The following PTPRT variants were observed in gnomAD, a reference collection of about 807,000 sequenced individuals.
PTPRT encodes the protein receptor-type tyrosine-protein phosphatase T.
PTPRT carries 56 observed loss-of-function variants against 176.8 expected under a neutral mutation model. The observed-to-expected ratio is 0.32, with a 90% CI of 0.26 to 0.40. PTPRT has a LOEUF of 0.40. PTPRT is among the 10% of genes least tolerant of loss of function. The pLI is 1.00. For missense variants in PTPRT, 1,540 were observed against 1,908.2 expected (o/e 0.81, Z 3.60); for synonymous variants, 783 against 739.0 (o/e 1.06, Z -0.96).
At chr20:42,673,370 T>G (rs1462250037) in intron 7 of PTPRT, among the ~76,000 whole-genome samples, 1 of 152,160 alleles carries the variant, frequency 6.6e-6, no homozygotes, top group Non-Finnish European at 1.5e-5. Flanking sequence ...TTACAGCAAA[T>G]TTCTAGGCTC....
chr20:42,511,002 G>A (rs1406750035), intron 7 of PTPRT, among the ~76,000 whole-genome samples: 6 of 152,046 alleles, frequency 3.9e-5, no homozygotes, highest in African/African-American at 1.4e-4. Flanking sequence ...TCCATTCATG[G>A]ATTGATGGAT....
intron 9 of PTPRT, among the ~76,000 whole-genome samples, chr20:42,412,717 G>A (rs2059029838): frequency 6.6e-6 from 1 of 152,118 alleles, no homozygotes; most frequent in Admixed American, 6.5e-5. Context: ...CAGCAAATAA[G>A]AAGTAAAGTA....
chr20:42,736,590 C>A (rs545274583), intron 6 of PTPRT, among the ~76,000 whole-genome samples: 1 of 152,324 alleles, frequency 6.6e-6, no homozygotes, highest in East Asian at 1.9e-4. Flanking sequence ...TTCAAGAAGT[C>A]ACCTTGGATA....
chr20:42,338,910 A>G (rs1403959950), intron 11 of PTPRT, among the ~76,000 whole-genome samples: 1 of 152,138 alleles, frequency 6.6e-6, no homozygotes, highest in African/African-American at 2.4e-5. Context: ...TGCTCTCCCC[A>G]CAATAGCAAA....
intron 2 of PTPRT, among the ~76,000 whole-genome samples, chr20:42,823,720 T>C (rs963468821): frequency 3.3e-5 from 5 of 152,050 alleles, no homozygotes; most frequent in Non-Finnish European, 7.4e-5. Context: ...ATACTTACAT[T>C]ATTCAATATT....
rs138608925 is a variant in PTPRT, at chr20:42,447,890, G to A, written c.1560+330C>T. On this transcript the variant is annotated intron_variant, in intron 9 of 30. Transcript: ENST00000373187. ...ATGTGGGTATTGCAGTTTCCCAGAC[G>A]AACTTTCAGTACTGTTTGCCAGGCC... 2.4e-3 allele frequency among the ~76,000 whole-genome samples: 366 copies of A among 152,270 alleles called. 2 individuals are homozygous for A. Among genetic ancestry groups the A allele is most frequent in the African/African-American group, 7.9e-3 (330 of 41,550 alleles).
chr20:42,801,998 C>A (rs926935974), intron 2 of PTPRT, among the ~76,000 whole-genome samples: 1 of 152,184 alleles, frequency 6.6e-6, no homozygotes, highest in Non-Finnish European at 1.5e-5. Flanking sequence ...GGTGATAGAG[C>A]CAGCATTCAA....
intron 6 of PTPRT, among the ~76,000 whole-genome samples, chr20:42,725,254 T>C (rs1355895472): frequency 6.6e-6 from 1 of 151,642 alleles, no homozygotes; most frequent in Non-Finnish European, 1.5e-5. Flanking sequence ...CTTGAACTCC[T>C]AGGTGACAGA....
At chr20:42,033,433 G>A in the PTPRT span, among the ~76,000 whole-genome samples, 5 of 152,110 alleles carry the variant, frequency 3.3e-5, no homozygotes, top group African/African-American at 9.7e-5. Context: ...TGGACACTGT[G>A]CTCCACCCAC....
Position 42,227,509 on chromosome 20 carries a change from A to T in PTPRT, c.2342+8720T>A, listed in dbSNP as rs200924055. Among the ~76,000 whole-genome samples the T allele has an allele frequency of 4.6e-5, 7 of 152,112 alleles. No individual in the cohort carries two copies. In the East Asian group the frequency reaches 1.4e-3, roughly 29 times the overall value. ...CATTAGTTTGTTGCTCACTGATAAT[A>T]CAAAAACTCTAAAAAGCTTTTCCTT... On this transcript the variant is annotated intron_variant, in intron 15 of 30. Transcript: ENST00000373187.
At chr20:42,355,644 T>C (rs1182206866) in intron 9 of PTPRT, among the ~76,000 whole-genome samples, 1 of 152,202 alleles carries the variant, frequency 6.6e-6, no homozygotes, top group African/African-American at 2.4e-5. Flanking sequence ...AGGTGGATTC[T>C]GGTTTCCACT....
At chr20:43,108,016 T>C (rs1226673457) in intron 1 of PTPRT, among the ~76,000 whole-genome samples, 1 of 152,162 alleles carries the variant, frequency 6.6e-6, no homozygotes, top group South Asian at 2.1e-4. Context: ...ATAGTGTATT[T>C]TTCAAAGATG....
chr20:43,132,294 T>A (rs1366201187), intron 1 of PTPRT, among the ~76,000 whole-genome samples: 1 of 152,092 alleles, frequency 6.6e-6, no homozygotes, highest in Admixed American at 6.6e-5. Flanking sequence ...TTTCAGTAGG[T>A]GGATTTTAAA....
intron 7 of PTPRT, among the ~76,000 whole-genome samples, chr20:42,501,634 G>T (rs1298984654): frequency 1.3e-5 from 2 of 152,108 alleles, no homozygotes; most frequent in Non-Finnish European, 2.9e-5. Flanking sequence ...CACCTCAGTG[G>T]CAGTGTTGAA....
At chr20:43,159,205 C>T (rs1448873524) in intron 1 of PTPRT, among the ~76,000 whole-genome samples, 2 of 152,182 alleles carry the variant, frequency 1.3e-5, no homozygotes, top group African/African-American at 4.8e-5. Flanking sequence ...AGTTCTCCCA[C>T]CTGAGGGGTG....
chr20:43,023,676 G>A (rs573461414), intron 1 of PTPRT, among the ~76,000 whole-genome samples: 35 of 152,238 alleles, frequency 2.3e-4, no homozygotes, highest in African/African-American at 6.5e-4. Context: ...TAGAAGCCAC[G>A]GCTGCTTCTC....
intron 1 of PTPRT, among the ~76,000 whole-genome samples, chr20:43,111,348 GC>G (rs1216112827): frequency 6.6e-6 from 1 of 151,808 alleles, no homozygotes; most frequent in East Asian, 1.9e-4. Context: ...GACCAGCCTG[GC>G]CAACAAAGTG....
chr20:42,874,439 T>G (rs897215612), intron 2 of PTPRT, among the ~76,000 whole-genome samples: 3 of 138,470 alleles, frequency 2.2e-5, no homozygotes, highest in African/African-American at 8.5e-5. Flanking sequence ...CATCCTCTCC[T>G]CAAAAAAAAA....
chr20:42,304,525 G>C (rs1427552045), intron 12 of PTPRT, among the ~76,000 whole-genome samples: 1 of 152,100 alleles, frequency 6.6e-6, no homozygotes, highest in African/African-American at 2.4e-5. Context: ...GAGACTCAGA[G>C]AGCCTAAGTC....
Sources: gnomAD v4.1 joint callset for allele counts (sites outside exome capture counted in the v4.1 genomes callset) on GRCh38, gnomAD v4.1.1 for gene constraint, MANE v1.5 for transcripts, NCBI Gene and HGNC (gene_info 2026-07-23, HGNC 2026-07-21) for gene names.